The following CEP170B variants were observed in gnomAD, a reference collection of about 807,000 sequenced individuals.
CEP170B encodes centrosomal protein of 170 kDa protein B.
CEP170B carries 55 observed loss-of-function variants against 120.6 expected under a neutral mutation model. The observed-to-expected ratio is 0.46, with a 90% CI of 0.37 to 0.57. The LOEUF (loss-of-function observed/expected upper bound fraction) is 0.57, where lower values mean the gene tolerates loss of function less well. Among genes scored for constraint, CEP170B ranks in the 20% least tolerant of loss-of-function variants. The probability of loss-of-function intolerance (pLI) is 0.00; values close to 1 mark genes in which losing one functional copy is unlikely to be tolerated. For synonymous variants in CEP170B, 1,033 were observed against 954.5 expected, an observed-to-expected ratio of 1.08 and a Z score of -1.52; for missense variants, 2,212 against 2,253.3, an observed-to-expected ratio of 0.98 and a Z score of 0.37.
chr14:104,890,449 A>G (rs1203550529), intron 13 of CEP170B, among the ~76,000 whole-genome samples: 1,542 of 35,806 alleles, frequency 0.043, no homozygotes, highest in Middle Eastern at 0.087. Context: ...TGGATGGGTG[A>G]GTGGGTGGGT....
intron 2 of CEP170B, among the ~76,000 whole-genome samples, chr14:104,875,566 G>T (rs1168456713): frequency 6.6e-6 from 1 of 151,834 alleles, no homozygotes; most frequent in Non-Finnish European, 1.5e-5. Flanking sequence ...GGCCGGGTGG[G>T]CAGCAGCTGT....
rs1315337349 is a variant in CEP170B, at chr14:104,891,206, G to C, written c.3878+1448G>C. Reference sequence around the variant, plus strand: ...ATGAACTCCCTCACATGGTCATTCAGTAACAGGGCCCTCTCCAGGCCAGGC... The same window carrying C: ...ATGAACTCCCTCACATGGTCATTCACTAACAGGGCCCTCTCCAGGCCAGGC... On this transcript the variant is annotated intron_variant, in intron 13 of 18. Transcript: ENST00000414716. The surrounding 1 kb of genome is among the most constrained non-coding windows in gnomAD (Gnocchi z 4.3). 6.6e-6 allele frequency among the ~76,000 whole-genome samples: 1 copy of C among 152,148 alleles called. No homozygotes were observed. Among genetic ancestry groups the C allele is most frequent in the Non-Finnish European group, 1.5e-5 (1 of 68,016 alleles).
At chr14:104,869,452 C>T (rs572272528) in intron 2 of CEP170B, among the ~76,000 whole-genome samples, 9 of 152,198 alleles carry the variant, frequency 5.9e-5, no homozygotes, top group Non-Finnish European at 1.3e-4. Flanking sequence ...GGGCAGGCCT[C>T]AGGCTGTGGT....
Position 104,883,847 on chromosome 14 carries a change from C to T in CEP170B, c.1068C>T (p.Asp356=), listed in dbSNP as rs754508220. The change falls in exon 9 of 19, where the codon GAC becomes GAT. Residue 356 remains aspartate, a synonymous_variant. Transcript: ENST00000414716. The part of the protein sequence containing the change: ...TRTLKGHKHE[D]GTQSDSEDPL... ...CTCCCCCAGGCCACAAGCACGAGGACGGCACGCAGAGTGACTCAGAGGACC... is the reference window on the plus strand; with the variant it reads ...CTCCCCCAGGCCACAAGCACGAGGATGGCACGCAGAGTGACTCAGAGGACC... 29 of 1,561,210 alleles carry T rather than the reference C, an allele frequency of 1.9e-5. No individual in the cohort carries two copies. The highest frequency in any genetic ancestry group is 5.9e-5 in the South Asian group (5 of 84,804).
rs111728649 is a variant in CEP170B at position 104,887,696 on chromosome 14, G to T, written c.3457G>T (p.Val1153Leu). 1.9e-6 allele frequency: 3 copies of T among 1,585,024 alleles called. No homozygotes were observed. Among genetic ancestry groups the T allele is most frequent in the African/African-American group, 2.7e-5 (2 of 74,394 alleles). The stretch of plus-strand genomic sequence containing the variant: ...GGGGTCCCTGGGCAACCCTGAGCCC[G>T]TGGGCCGGCCAGCTGCTGAGCAGGC... ...ERGSLGNPEP[V>L]GRPAAEQAKK... The change falls in exon 12 of 19, where the codon GTG (valine) becomes TTG (leucine). Residue 1153 changes from valine to leucine, a missense_variant. Physicochemically the swap from Val to Leu is conservative, Grantham distance 32. Coordinates refer to ENST00000414716, the MANE Select transcript of CEP170B (RefSeq NM_001112726.3).
chr14:104,880,476 C>T, intron 6 of CEP170B, 51 bp downstream of exon 6: 2 of 1,589,124 alleles, frequency 1.3e-6, no homozygotes, highest in Non-Finnish European at 1.7e-6. Flanking sequence ...ACTGCCAGGC[C>T]CTCTGCCCCG....
At chr14:104,865,128 G>T (rs1202647467), upstream of CEP170B, among the ~76,000 whole-genome samples, 1 of 149,994 alleles carries the variant, frequency 6.7e-6, no homozygotes, top group African/African-American at 2.4e-5. The surrounding 1 kb of genome is among the most constrained non-coding windows in gnomAD (Gnocchi z 6.7). Flanking sequence ...CTACCGGGGC[G>T]GGCTCACCTG....
chr14:104,880,541 T>G, intron 6 of CEP170B, 116 bp downstream of exon 6: 7 of 1,418,188 alleles, frequency 4.9e-6, no homozygotes, highest in Non-Finnish European at 5.7e-6. Context: ...TGTACACCCA[T>G]ACCCCTCACC....
In CEP170B at chr14:104,867,262, C is replaced by T. The variant is rs1895250617; in HGVS notation, c.-27-1162C>T. ...GCCCTGGTGGCACCAGCTGTTCCCT[C>T]TGCCTGGAATGCAGTCCCACAAGCG... On this transcript the variant is annotated intron_variant, in intron 1 of 18. Transcript: ENST00000414716. The surrounding 1 kb of genome is among the most constrained non-coding windows in gnomAD (Gnocchi z 5.4). Among the ~76,000 whole-genome samples the T allele has an allele frequency of 6.6e-6, 1 of 152,184 alleles. No individual in the cohort carries two copies. The highest frequency in any genetic ancestry group is 2.4e-5 in the African/African-American group (1 of 41,438).
At position 104,893,614 on chromosome 14, in the gene CEP170B, A is replaced by G. The variant is rs775617628; in HGVS notation, c.4130A>G (p.Asp1377Gly). 1.9e-6 allele frequency: 3 copies of G among 1,599,836 alleles called. No individual in the cohort carries two copies. In the South Asian group the frequency reaches 3.4e-5, roughly 18 times the overall value. Residue 1377 changes from aspartate (D) to glycine (G), a missense_variant, in exon 15 of 19, where the codon GAC becomes GGC. This residue lies in a region of CEP170B where 2,166 missense variants were observed against 2,166.7 expected (regional missense o/e 1.00). Transcript: ENST00000414716. The part of the protein sequence containing the change: ...NSRDFDQNMN[D>G]SCEDALANKT... ...CGGGACTTTGACCAGAACATGAACG[A>G]CAGCTGTGAGGACGCCCTGGCCAAC... is the stretch of plus-strand genomic sequence containing the variant.
At chr14:104,882,236 A>T (rs990020320) in intron 6 of CEP170B, among the ~76,000 whole-genome samples, 1 of 152,222 alleles carries the variant, frequency 6.6e-6, no homozygotes, top group Non-Finnish European at 1.5e-5. Flanking sequence ...TGTAGATTGC[A>T]GTGGCTGCCC....
At chr14:104,878,670 G>A (rs1007903366) in intron 5 of CEP170B, among the ~76,000 whole-genome samples, 169 bp downstream of exon 5, 1 of 152,240 alleles carries the variant, frequency 6.6e-6, no homozygotes, top group East Asian at 1.9e-4. Flanking sequence ...CCTGCCAGAT[G>A]GCCCAGTCCG....
rs532749155 is a variant in CEP170B, at chr14:104,896,298, C to T, written c.*1340C>T. The T allele has an allele frequency of 4.4e-3, 1,379 of 312,646 alleles. 8 individuals carry two copies. Among genetic ancestry groups the T allele is most frequent in the Admixed American group, 8.0e-3 (187 of 23,438 alleles). The allele number at this position is 312,646 out of a possible 1,614,324, so 19.4% of individuals were successfully genotyped here. On this transcript the variant is annotated 3_prime_UTR_variant, in exon 19 of 19. Coordinates refer to ENST00000414716, the MANE Select transcript of CEP170B (RefSeq NM_001112726.3). The stretch of plus-strand genomic sequence containing the variant: ...TACGGGTTCTGTTCCTCTGAGCCTG[C>T]GGCCCACCTGATGTTTACGTGTGTG...
chr14:104,886,574 T>C lies in CEP170B; in HGVS notation c.2335T>C (p.Trp779Arg). 1 of 1,512,744 alleles carries C rather than the reference T, an allele frequency of 6.6e-7. No individual in the cohort carries two copies. The allele number at this position is 1,512,744 out of a possible 1,614,324, so 93.7% of individuals were successfully genotyped here. ...CAGGAGCCCCCAGGAGGGGCCCACG[T>C]GGAGCAGGGGTCGGCGCTCACCAAG... ...RRRSPQEGPT[W>R]SRGRRSPRAP... The change falls in exon 12 of 19, where the codon TGG becomes CGG. Residue 779 changes from tryptophan to arginine, a missense_variant. Physicochemically the swap from Trp to Arg is moderately radical, Grantham distance 101. Transcript: ENST00000414716.
intron 14 of CEP170B, 75 bp downstream of exon 14, chr14:104,893,210 T>C: frequency 6.8e-7 from 1 of 1,471,670 alleles, no homozygotes; most frequent in Non-Finnish European, 9.1e-7. Flanking sequence ...CCCACAGCCC[T>C]TTGCATGCCT....
intron 3 of CEP170B, among the ~76,000 whole-genome samples, 197 bp from the exon 4 acceptor site, chr14:104,877,688 C>T (rs1895928358): frequency 3.9e-5 from 6 of 152,168 alleles, no homozygotes; most frequent in Admixed American, 3.9e-4. Flanking sequence ...GGTGCCCCTG[C>T]CATGGCTGTG....
chr14:104,885,251 C>A, intron 9 of CEP170B, 118 bp from the exon 10 acceptor site: 1 of 1,184,888 alleles, frequency 8.4e-7, no homozygotes, highest in Non-Finnish European at 1.1e-6. Context: ...CGGCCACCAG[C>A]CACTCTGGCC....
chr14:104,871,401 C>G (rs1595309096), intron 2 of CEP170B, among the ~76,000 whole-genome samples: 2 of 151,022 alleles, frequency 1.3e-5, no homozygotes, highest in South Asian at 2.1e-4. Flanking sequence ...ACCCCACGCA[C>G]AGACAGGAAT....
rs772345861 is a variant in CEP170B at position 104,886,049 on chromosome 14, G to A, written c.1954G>A (p.Val652Met). 7.8e-6 allele frequency: 12 copies of A among 1,540,456 alleles called. No homozygotes were observed. The highest frequency in any genetic ancestry group is 3.4e-4 in the Middle Eastern group (2 of 5,966). Residue 652 changes from valine to methionine, a missense_variant, in exon 11 of 19, where the codon GTG becomes ATG. Physicochemically the swap from Val to Met is conservative, Grantham distance 21. This residue lies in a region of CEP170B where 2,166 missense variants were observed against 2,166.7 expected (regional missense o/e 1.00). Coordinates refer to ENST00000414716, the MANE Select transcript of CEP170B (RefSeq NM_001112726.3). The stretch of plus-strand genomic sequence containing the variant: ...ACCCTCCTCTCCACAGGGCCTCCCG[G>A]TGCCGGGCTCCCCTGGGGGTCAGAA... ...APQAEHQGLP[V>M]PGSPGGQKWV...
Sources: allele counts gnomAD v4.1 joint callset (sites outside exome capture counted in the v4.1 genomes callset), GRCh38; gene constraint gnomAD v4.1.1; regional missense constraint gnomAD v4.1.1; non-coding constraint Gnocchi (gnomAD v3.1); transcripts MANE v1.5; gene names NCBI Gene and HGNC (gene_info 2026-07-23, HGNC 2026-07-21).